The following TRPM3 variants were observed in gnomAD, a reference collection of about 807,000 sequenced individuals.
TRPM3 encodes the protein transient receptor potential cation channel subfamily M member 3.
Under a neutral mutation model 181.2 loss-of-function variants are expected in TRPM3, and 77 were observed. That is an observed-to-expected ratio of 0.42 (90% confidence interval 0.35 to 0.51). TRPM3 has a LOEUF of 0.51. Ranked by LOEUF, TRPM3 falls within the 20% of genes least tolerant of loss-of-function variation. TRPM3 has a pLI of 0.01. For synonymous variants in TRPM3, 745 were observed against 796.4 expected (o/e 0.94, Z 1.09); for missense variants, 1,759 against 2,196.7 (o/e 0.80, Z 3.98).
At chr9:71,412,904 A>C (rs968375953) in intron 1 of TRPM3, among the ~76,000 whole-genome samples, 11 of 152,226 alleles carry the variant, frequency 7.2e-5, no homozygotes, top group Non-Finnish European at 1.3e-4. Context: ...TACACCATGG[A>C]ATACTATGCA....
chr9:70,838,281 T>C (rs1278532510), intron 5 of TRPM3, among the ~76,000 whole-genome samples: 1 of 152,174 alleles, frequency 6.6e-6, no homozygotes, highest in Non-Finnish European at 1.5e-5. Context: ...CAAATTTATA[T>C]GTTGAAATTC....
At chr9:71,113,547 A>G (rs2071620747) in intron 1 of TRPM3, among the ~76,000 whole-genome samples, 1 of 152,178 alleles carries the variant, frequency 6.6e-6, no homozygotes, top group Non-Finnish European at 1.5e-5. Flanking sequence ...ACAGTCTCCT[A>G]AAGTAAACAA....
intron 1 of TRPM3, among the ~76,000 whole-genome samples, chr9:70,883,214 A>G (rs1291676104): frequency 6.6e-6 from 1 of 152,184 alleles, no homozygotes; most frequent in Non-Finnish European, 1.5e-5. Context: ...AGACCAATGG[A>G]CCAGTGGTAG....
At chr9:70,672,173 T>C (rs759281964) in intron 9 of TRPM3, among the ~76,000 whole-genome samples, 6 of 152,192 alleles carry the variant, frequency 3.9e-5, no homozygotes, top group Non-Finnish European at 7.3e-5. Context: ...TGAATACAGC[T>C]AACCCCATCT....
At chr9:71,123,877 C>T (rs954168821), upstream of TRPM3, among the ~76,000 whole-genome samples, 2 of 152,124 alleles carry the variant, frequency 1.3e-5, no homozygotes, top group Non-Finnish European at 2.9e-5. Flanking sequence ...TTGCCTACCC[C>T]CTGCCCTGCA....
intron 9 of TRPM3, among the ~76,000 whole-genome samples, chr9:70,651,679 T>C (rs1182961738): frequency 1.3e-5 from 2 of 152,230 alleles, no homozygotes; most frequent in Non-Finnish European, 2.9e-5. Context: ...CCCTTCCTCC[T>C]TCCTCCTGCA....
chr9:70,989,157 C>T (rs7047569), intron 1 of TRPM3, among the ~76,000 whole-genome samples: 8,133 of 152,136 alleles, frequency 0.053, 310 homozygotes, highest in East Asian at 0.1. Context: ...ATATACATAT[C>T]ATGGAATCAT....
At chr9:70,594,299 T>C (rs536002519) in intron 21 of TRPM3, among the ~76,000 whole-genome samples, 2 of 152,210 alleles carry the variant, frequency 1.3e-5, no homozygotes, top group South Asian at 4.1e-4. Context: ...GTATTATTAT[T>C]ATTAGAGTTG....
intron 1 of TRPM3, among the ~76,000 whole-genome samples, chr9:71,098,105 A>G (rs2067632948): frequency 6.6e-6 from 1 of 152,174 alleles, no homozygotes; most frequent in South Asian, 2.1e-4. Flanking sequence ...TGTGCAGTCA[A>G]CACTGGGCCA....
chr9:71,320,481 A>G (rs1176698987), intron 1 of TRPM3, among the ~76,000 whole-genome samples: 1 of 152,164 alleles, frequency 6.6e-6, no homozygotes, highest in Non-Finnish European at 1.5e-5. Flanking sequence ...AGGGAAAAAT[A>G]TCCTTTTCTT....
chr9:70,570,904 C>T (rs1385662328), intron 22 of TRPM3, among the ~76,000 whole-genome samples: 1 of 152,200 alleles, frequency 6.6e-6, no homozygotes, highest in East Asian at 1.9e-4. Context: ...TCCAATCTTT[C>T]ACATTCTTTT....
At chr9:70,774,249 C>A in intron 7 of TRPM3, 1 of 154,198 alleles carries the variant, frequency 6.5e-6, no homozygotes, top group South Asian at 1.8e-4. Context: ...TCCTCTTCTT[C>A]CTCCTCCTCT....
chr9:71,323,459 G>A (rs541573541), intron 1 of TRPM3, among the ~76,000 whole-genome samples: 33 of 152,126 alleles, frequency 2.2e-4, no homozygotes, highest in Non-Finnish European at 3.7e-4. Flanking sequence ...TGAGAAAATT[G>A]ATCTGAATGT....
intron 6 of TRPM3, among the ~76,000 whole-genome samples, chr9:70,798,486 A>AT (rs1416519128): frequency 5.9e-5 from 9 of 152,086 alleles, no homozygotes; most frequent in African/African-American, 1.4e-4. Context: ...TTATGATCCC[A>AT]TTTTTTTAAA....
intron 1 of TRPM3, among the ~76,000 whole-genome samples, chr9:71,001,830 T>C (rs2134241418): frequency 6.6e-6 from 1 of 152,352 alleles, no homozygotes; most frequent in Admixed American, 6.5e-5. Flanking sequence ...TCTGTCACTT[T>C]TGTTTTTGCC....
chr9:71,053,287 C>A (rs1190385815), intron 1 of TRPM3, among the ~76,000 whole-genome samples: 1 of 152,050 alleles, frequency 6.6e-6, no homozygotes, highest in Admixed American at 6.6e-5. Context: ...CTAACTCACC[C>A]TGCCTCAGTA....
chr9:71,360,700 A>G (rs890389744), intron 1 of TRPM3, among the ~76,000 whole-genome samples: 1 of 152,204 alleles, frequency 6.6e-6, no homozygotes, highest in Non-Finnish European at 1.5e-5. Context: ...CTCTCTTTGG[A>G]ATCAGATAAA....
At chr9:70,658,606 C>T (rs1023965170) in intron 9 of TRPM3, among the ~76,000 whole-genome samples, 2 of 151,990 alleles carry the variant, frequency 1.3e-5, no homozygotes, top group Non-Finnish European at 2.9e-5. Context: ...TTTTTGTATA[C>T]TACAGAGGTA....
chr9:71,395,062 C>T (rs548227115), intron 1 of TRPM3, among the ~76,000 whole-genome samples: 7 of 152,346 alleles, frequency 4.6e-5, no homozygotes, highest in African/African-American at 1.7e-4. Flanking sequence ...CCCACAATGA[C>T]CAGGCAATAC....
Sources: allele counts gnomAD v4.1 joint callset (sites outside exome capture counted in the v4.1 genomes callset), GRCh38; gene constraint gnomAD v4.1.1; transcripts MANE v1.5; gene names NCBI Gene and HGNC (gene_info 2026-07-23, HGNC 2026-07-21).